The following MAGI3 variants were observed in gnomAD, a reference collection of about 807,000 sequenced individuals.
MAGI3 encodes membrane associated guanylate kinase, WW and PDZ domain containing 3.
MAGI3 carries 43 observed loss-of-function variants against 121.8 expected under a neutral mutation model. The observed-to-expected ratio is 0.35, with a 90% confidence interval of 0.28 to 0.46. The LOEUF is 0.46. MAGI3 is among the 20% of genes least tolerant of loss of function. The pLI is 1.00. For synonymous variants in MAGI3, 553 were observed against 639.3 expected, an observed-to-expected ratio of 0.86 and a Z score of 2.04; for missense variants, 1,547 against 1,797.3, an observed-to-expected ratio of 0.86 and a Z score of 2.52.
intron 1 of MAGI3, among the ~76,000 whole-genome samples, chr1:113,516,445 G>GC (rs1051109833): frequency 8.9e-5 from 13 of 146,444 alleles, no homozygotes; most frequent in African/African-American, 3.2e-4. Flanking sequence ...ATAAGAGTAT[G>GC]CCAAAGGGAC....
intron 1 of MAGI3, among the ~76,000 whole-genome samples, chr1:113,397,607 CA>C (rs954584588): frequency 5.9e-5 from 9 of 152,076 alleles, no homozygotes; most frequent in African/African-American, 2.2e-4. Context: ...TACAAGGGCA[CA>C]AAATCCACAT....
At chr1:113,565,761 A>G (rs1660412970) in intron 2 of MAGI3, among the ~76,000 whole-genome samples, 1 of 152,212 alleles carries the variant, frequency 6.6e-6, no homozygotes, top group Non-Finnish European at 1.5e-5. Flanking sequence ...TATGTAAGAA[A>G]GACCCACCAC....
In MAGI3 at chr1:113,672,509, G is replaced by A. The variant is rs186982422; in HGVS notation, c.2919-106G>A. ...TCTGTCTTCATAGTGGTTTGTCAGA[G>A]GGAAAATGGCAAGGTCGAGCTTTTA... is the stretch of plus-strand genomic sequence containing the variant. On this transcript the variant is annotated intron_variant, in intron 17 of 20. Coordinates refer to ENST00000307546, the MANE Select transcript of MAGI3 (RefSeq NM_001142782.2). 149 of 1,298,996 alleles carry A rather than the reference G, an allele frequency of 1.1e-4. 1 individual carries two copies. The Middle Eastern group carries it at 4.5e-3, about 39-fold the overall frequency. 80.5% of individuals were successfully genotyped at this position (1,298,996 alleles called of 1,614,324 possible). A position where few individuals can be genotyped will look rare whatever the true frequency, so the allele number is the denominator to read the frequency against.
rs1190173995 is a variant in MAGI3 at position 113,641,892 on chromosome 1, C to T, written c.1361-19C>T. The T allele has an allele frequency of 2.6e-6, 4 of 1,531,448 alleles. No individual in the cohort carries two copies. The African/African-American group carries it at 4.1e-5, about 16-fold the overall frequency. 94.9% of individuals were successfully genotyped at this position (1,531,448 alleles called of 1,614,324 possible). ...TATTTGTTGATTTTAATATTTTTAA[C>T]ATGATTATGTTTTTCCAGGCGATGT... is the stretch of plus-strand genomic sequence containing the variant. On this transcript the variant is annotated intron_variant, in intron 9 of 20. Coordinates refer to ENST00000307546, the MANE Select transcript of MAGI3 (RefSeq NM_001142782.2).
rs1309971880 is a variant in MAGI3 at position 113,517,279 on chromosome 1, A to G, written c.317-32236A>G. Among the ~76,000 whole-genome samples the G allele has an allele frequency of 3.3e-5, 5 of 151,906 alleles. 1 individual carries two copies. Among genetic ancestry groups the G allele is most frequent in the Admixed American group, 3.3e-4 (5 of 15,240 alleles). ...GTGTAGTATATGGGAACTCTATACT[A>G]TCTTTACGATTTTTCTGTAAATCTA... is the stretch of plus-strand genomic sequence containing the variant. On this transcript the variant is annotated intron_variant, in intron 1 of 20. Transcript: ENST00000307546.
intron 2 of MAGI3, among the ~76,000 whole-genome samples, chr1:113,556,975 G>A (rs1000686894): frequency 6.6e-6 from 1 of 152,154 alleles, no homozygotes; most frequent in Non-Finnish European, 1.5e-5. Context: ...TGAAGAAATA[G>A]GTGAGCTGAA....
intron 1 of MAGI3, among the ~76,000 whole-genome samples, chr1:113,523,243 T>A (rs559806730): frequency 6.6e-6 from 1 of 152,220 alleles, no homozygotes; most frequent in Non-Finnish European, 1.5e-5. Flanking sequence ...CTCTGGTATG[T>A]CTTTATCAGG....
chr1:113,516,841 A>G (rs1388620926), intron 1 of MAGI3, among the ~76,000 whole-genome samples: 1 of 152,010 alleles, frequency 6.6e-6, no homozygotes, highest in Non-Finnish European at 1.5e-5. Flanking sequence ...GATAAATCAT[A>G]TTGATAGTGT....
chr1:113,405,412 C>T (rs1651619326), intron 1 of MAGI3, among the ~76,000 whole-genome samples: 1 of 127,180 alleles, frequency 7.9e-6, no homozygotes, highest in Non-Finnish European at 1.6e-5. Flanking sequence ...CCAGGCAGGT[C>T]GAGGCTGCAG....
At chr1:113,542,761 G>A (rs187921407) in intron 1 of MAGI3, among the ~76,000 whole-genome samples, 5 of 152,238 alleles carry the variant, frequency 3.3e-5, no homozygotes, top group East Asian at 1.9e-4. Context: ...GTACATACGC[G>A]TGTGCACACA....
At chr1:113,508,034 C>T (rs1408226237) in intron 1 of MAGI3, among the ~76,000 whole-genome samples, 1 of 152,062 alleles carries the variant, frequency 6.6e-6, no homozygotes, top group East Asian at 1.9e-4. Context: ...CTTTTAATGG[C>T]CATGGAGGTA....
intron 2 of MAGI3, among the ~76,000 whole-genome samples, chr1:113,562,663 C>A (rs1474673548): frequency 1.3e-5 from 2 of 152,108 alleles, no homozygotes; most frequent in African/African-American, 4.8e-5. Context: ...TGGTGGGGAA[C>A]AACACACACT....
At chr1:113,647,921 CT>C (rs748486198) in intron 12 of MAGI3, among the ~76,000 whole-genome samples, 44 of 89,468 alleles carry the variant, frequency 4.9e-4, no homozygotes, top group Admixed American at 8.2e-4. Flanking sequence ...ACTGATGACT[CT>C]TTTTTTTTTT....
intron 1 of MAGI3, among the ~76,000 whole-genome samples, chr1:113,467,389 A>G (rs1655341639): frequency 6.6e-6 from 1 of 152,086 alleles, no homozygotes; most frequent in Non-Finnish European, 1.5e-5. Context: ...AGAATGTTCC[A>G]TGTGCTGATG....
chr1:113,650,819 A>G (rs1653119057), intron 13 of MAGI3, among the ~76,000 whole-genome samples, 195 bp from the exon 14 acceptor site: 1 of 152,208 alleles, frequency 6.6e-6, no homozygotes, highest in Non-Finnish European at 1.5e-5. Flanking sequence ...AAGGGATTAC[A>G]TAATACAATG....
chr1:113,423,531 A>G (rs909944277), intron 1 of MAGI3, among the ~76,000 whole-genome samples: 7 of 152,148 alleles, frequency 4.6e-5, no homozygotes, highest in African/African-American at 7.2e-5. Context: ...TCAGCGTCCC[A>G]AAGTGCTGGG....
intron 15 of MAGI3, among the ~76,000 whole-genome samples, chr1:113,655,680 C>A (rs1653429432): frequency 6.6e-6 from 1 of 152,068 alleles, no homozygotes; most frequent in Non-Finnish European, 1.5e-5. Flanking sequence ...TGTAATCCAA[C>A]AAACTTGGAT....
intron 9 of MAGI3, among the ~76,000 whole-genome samples, chr1:113,635,791 A>G (rs1651972184): frequency 6.6e-6 from 1 of 151,878 alleles, no homozygotes; most frequent in Admixed American, 6.5e-5. Context: ...GAATAGTTTC[A>G]GAAGGAATGG....
chr1:113,565,330 A>C (rs1008775144), intron 2 of MAGI3, among the ~76,000 whole-genome samples: 2 of 152,166 alleles, frequency 1.3e-5, no homozygotes, highest in African/African-American at 4.8e-5. Context: ...TGTTTCATGT[A>C]ATCTCATTTT....
Sources: gnomAD v4.1 joint callset for allele counts (sites outside exome capture counted in the v4.1 genomes callset) on GRCh38, gnomAD v4.1.1 for gene constraint, MANE v1.5 for transcripts, NCBI Gene and HGNC (gene_info 2026-07-23, HGNC 2026-07-21) for gene names.